The following FOCAD variants were observed in gnomAD, a reference collection of about 807,000 sequenced individuals.
FOCAD encodes KIAA1797.
Under a neutral mutation model 225.6 loss-of-function variants are expected in FOCAD, and 198 were observed. The observed-to-expected ratio is 0.88, with a 90% CI of 0.78 to 0.99. FOCAD has a LOEUF of 0.99. FOCAD is among the 50% of genes least tolerant of loss of function. FOCAD has a pLI of 0.00. For missense variants in FOCAD, 2,713 were observed against 2,123.6 expected (o/e 1.28, Z -5.46); for synonymous variants, 897 against 755.0 (o/e 1.19, Z -3.08).
chr9:20,929,332 T>G (rs779718104), intron 26 of FOCAD, 26 bp from the exon 27 acceptor site: 2 of 1,587,498 alleles, frequency 1.3e-6, no homozygotes, highest in South Asian at 1.1e-5. Context: ...AGGCTAACCC[T>G]GTTTTCTTTC....
chr9:20,743,489 G>T (rs1052441391), intron 5 of FOCAD, among the ~76,000 whole-genome samples: 1 of 152,164 alleles, frequency 6.6e-6, no homozygotes, highest in Non-Finnish European at 1.5e-5. Context: ...ACCAGTATGG[G>T]AGTGGACAGA....
At chr9:20,921,678 G>T (rs921132816) in intron 24 of FOCAD, among the ~76,000 whole-genome samples, 3 of 152,092 alleles carry the variant, frequency 2.0e-5, no homozygotes, top group African/African-American at 7.2e-5. Flanking sequence ...CCAAATATGT[G>T]TTCATTCTGC....
chr9:20,819,384 A>G (rs912150381), intron 11 of FOCAD, among the ~76,000 whole-genome samples: 2 of 151,782 alleles, frequency 1.3e-5, no homozygotes, highest in African/African-American at 4.8e-5. Context: ...CAGTTAATTT[A>G]AAAGTTTTTT....
At chr9:20,876,829 G>A (rs954938550) in intron 19 of FOCAD, among the ~76,000 whole-genome samples, 26 of 152,168 alleles carry the variant, frequency 1.7e-4, no homozygotes, top group African/African-American at 6.3e-4. Flanking sequence ...AGACAGAAAA[G>A]TGGGTTGTGC....
chr9:20,935,625 C>T (rs1835876151), intron 28 of FOCAD, among the ~76,000 whole-genome samples: 1 of 152,216 alleles, frequency 6.6e-6, no homozygotes, highest in Non-Finnish European at 1.5e-5. Context: ...TCTCAAACTC[C>T]TGACCTCATG....
At chr9:20,697,594 G>T (rs900957938) in intron 1 of FOCAD, among the ~76,000 whole-genome samples, 4 of 152,228 alleles carry the variant, frequency 2.6e-5, no homozygotes, top group African/African-American at 9.6e-5. Context: ...TCAGGTGTCT[G>T]TTCAAATGTC....
chr9:20,698,364 A>G (rs1451402959), intron 1 of FOCAD, among the ~76,000 whole-genome samples: 1 of 151,982 alleles, frequency 6.6e-6, no homozygotes, highest in Non-Finnish European at 1.5e-5. Context: ...CTATATGTGT[A>G]TACACACACA....
chr9:20,925,841 A>G (rs1405128707), intron 25 of FOCAD, among the ~76,000 whole-genome samples: 1 of 152,252 alleles, frequency 6.6e-6, no homozygotes, highest in East Asian at 1.9e-4. Context: ...AATGACAACT[A>G]AATGGTAATA....
intron 14 of FOCAD, among the ~76,000 whole-genome samples, chr9:20,821,406 A>G (rs558411980): frequency 9.9e-5 from 15 of 152,230 alleles, no homozygotes; most frequent in Admixed American, 2.6e-4. Context: ...GACTGTTGTC[A>G]TAAACTATTC....
At chr9:20,864,253 C>T (rs1829038947) in intron 16 of FOCAD, among the ~76,000 whole-genome samples, 1 of 152,018 alleles carries the variant, frequency 6.6e-6, no homozygotes, top group South Asian at 2.1e-4. Flanking sequence ...TAAGTCATTT[C>T]TATCCCTAGT....
At chr9:20,815,137 G>GTTTTTTTTTTTTTTGTTT (rs1823568831) in intron 11 of FOCAD, among the ~76,000 whole-genome samples, 1 of 69,116 alleles carries the variant, frequency 1.4e-5, no homozygotes, top group African/African-American at 6.0e-5. Context: ...TTTTTTTTTT[G>GTTTTTTTTTTTTTTGTTT]TTTTTTTTTT....
At chr9:20,684,118 A>T (rs1019870999), upstream of FOCAD, 3 of 152,280 alleles carry the variant, frequency 2.0e-5, no homozygotes, top group Non-Finnish European at 4.4e-5. Context: ...CCCGGGCCTT[A>T]GACGCGCGTG....
chr9:20,924,894 C>G (rs1043974958), intron 25 of FOCAD, among the ~76,000 whole-genome samples: 3 of 152,174 alleles, frequency 2.0e-5, no homozygotes, highest in South Asian at 2.1e-4. Flanking sequence ...CCTCATGTCA[C>G]TTAAAATTCA....
intron 2 of FOCAD, among the ~76,000 whole-genome samples, chr9:20,660,171 T>C (rs1242386593): frequency 1.3e-5 from 2 of 152,136 alleles, no homozygotes; most frequent in Non-Finnish European, 2.9e-5. Flanking sequence ...CTACAGACAA[T>C]AACTTGTGAG....
intron 38 of FOCAD, 83 bp downstream of exon 38, chr9:20,981,769 GTTTTA>G: frequency 2.1e-6 from 3 of 1,459,680 alleles, no homozygotes; most frequent in Non-Finnish European, 2.8e-6. Context: ...GGAGGTGTAT[GTTTTA>G]AGAATGTGGG....
At chr9:20,796,434 G>C (rs529477559) in intron 11 of FOCAD, among the ~76,000 whole-genome samples, 1 of 152,340 alleles carries the variant, frequency 6.6e-6, no homozygotes, top group African/African-American at 2.4e-5. Flanking sequence ...CCCACCAACA[G>C]TGTAAAAGTG....
chr9:20,715,427 ATTTTTG>A lies in FOCAD; in HGVS notation c.57+18_57+23del, dbSNP rs1383258841. 1 of 1,470,806 alleles carries A rather than the reference ATTTTTG, an allele frequency of 6.8e-7. No individual in the cohort carries two copies. Among genetic ancestry groups the A allele is most frequent in the Admixed American group, 1.9e-5 (1 of 52,556 alleles). 91.1% of individuals were successfully genotyped at this position (1,470,806 alleles called of 1,614,324 possible). ...CAATCACAGGTAATTTTGTTTGTTT[ATTTTTG>A]CTCATGGTAACAAATAAACCTGTTC... On this transcript the variant is annotated intron_variant, in intron 2 of 43. Transcript: ENST00000338382.
Position 20,740,263 on chromosome 9 carries a change from T to C in FOCAD, c.315T>C (p.Ile105=). 1 of 1,611,542 alleles carries C rather than the reference T, an allele frequency of 6.2e-7. No individual in the cohort carries two copies. Among genetic ancestry groups the C allele is most frequent in the East Asian group, 2.2e-5 (1 of 44,786 alleles). ...TRNTHGLIKA[I]MHLLQMQALK... ...ATACACATGGCTTGATAAAAGCCAT[T>C]ATGCACTTACTACAAATGCAAGCTC... Residue 105 remains isoleucine (I), a synonymous_variant, in exon 5 of 44, where the codon ATT becomes ATC. Coordinates refer to ENST00000338382, the MANE Select transcript of FOCAD (RefSeq NM_001375567.1).
chr9:20,663,068 A>G (rs554620031), intron 2 of FOCAD, among the ~76,000 whole-genome samples: 4 of 152,288 alleles, frequency 2.6e-5, no homozygotes, highest in South Asian at 2.1e-4. Context: ...TTCTGATAAT[A>G]TCAAGGAACA....
Sources: gnomAD v4.1 joint callset for allele counts (sites outside exome capture counted in the v4.1 genomes callset) on GRCh38, gnomAD v4.1.1 for gene constraint, MANE v1.5 for transcripts, NCBI Gene and HGNC (gene_info 2026-07-23, HGNC 2026-07-21) for gene names.